ADGRV1: variants seen among roughly 807,000 people sequenced by gnomAD.
ADGRV1 encodes the protein adhesion G protein-coupled receptor V1.
A neutral mutation model predicts 596.2 loss-of-function variants in ADGRV1; 359 were observed. The ratio of observed to expected loss-of-function variants is 0.60; its 90% CI spans 0.55 to 0.66. ADGRV1 has a LOEUF of 0.66. Ranked by LOEUF, ADGRV1 falls within the 30% of genes least tolerant of loss-of-function variation. ADGRV1 has a pLI of 0.00. For missense variants in ADGRV1, 7,274 were observed against 7,575.6 expected, an observed-to-expected ratio of 0.96 and a Z score of 1.48; for synonymous variants, 2,681 against 2,679.2, an observed-to-expected ratio of 1.00 and a Z score of -0.02.
At chr5:90,750,883 T>TA (rs922292861) in intron 53 of ADGRV1, among the ~76,000 whole-genome samples, 186 bp downstream of exon 53, 1 of 152,146 alleles carries the variant, frequency 6.6e-6, no homozygotes, top group Non-Finnish European at 1.5e-5. Context: ...TGTTCTTTTT[T>TA]AAAAAAATAT....
At chr5:90,747,942 G>T (rs1352729234) in intron 52 of ADGRV1, among the ~76,000 whole-genome samples, 1 of 152,194 alleles carries the variant, frequency 6.6e-6, no homozygotes, top group African/African-American at 2.4e-5. Context: ...AGCCTTTGAA[G>T]GGGAGGAGTA....
chr5:90,706,403 C>CTT lies in ADGRV1; in HGVS notation c.8730+20_8730+21dup, dbSNP rs60522638. 11,526 of 1,355,026 alleles carry CTT rather than the reference C, an allele frequency of 8.5e-3. No homozygotes were observed. Among genetic ancestry groups the CTT allele is most frequent in the South Asian group, 0.01 (704 of 67,766 alleles). 83.9% of individuals were successfully genotyped at this position (1,355,026 alleles called of 1,614,324 possible). On this transcript the variant is annotated intron_variant, in intron 38 of 89. Transcript: ENST00000405460. ...ACATTACCATTCTTGAGGTAAAACT[C>CTT]TTTTTTTTTTTTAATCTTAGGGGGA... is the stretch of plus-strand genomic sequence containing the variant.
intron 1 of ADGRV1, among the ~76,000 whole-genome samples, chr5:90,589,498 G>A (rs1759199859): frequency 6.6e-6 from 1 of 152,120 alleles, no homozygotes; most frequent in African/African-American, 2.4e-5. Flanking sequence ...AGAAAAGTGG[G>A]GAATGGTAAA....
intron 84 of ADGRV1, among the ~76,000 whole-genome samples, chr5:90,968,415 T>G (rs957700934): frequency 1.3e-5 from 2 of 152,252 alleles, no homozygotes; most frequent in Non-Finnish European, 1.5e-5. Context: ...GATTGGTATA[T>G]TCTACATCTC....
intron 77 of ADGRV1, among the ~76,000 whole-genome samples, chr5:90,839,649 A>T (rs957881326): frequency 4.6e-5 from 7 of 152,172 alleles, no homozygotes; most frequent in African/African-American, 1.7e-4. Context: ...ATTTCCCAAG[A>T]TCCTTATGTA....
intron 2 of ADGRV1, among the ~76,000 whole-genome samples, chr5:90,615,827 A>C (rs932790753): frequency 6.6e-6 from 1 of 151,898 alleles, no homozygotes; most frequent in African/African-American, 2.4e-5. Flanking sequence ...TTTTGATTGA[A>C]TCCTAACAAT....
intron 25 of ADGRV1, 136 bp downstream of exon 25, chr5:90,676,345 AGC>A: frequency 1.3e-6 from 1 of 744,586 alleles, no homozygotes. Flanking sequence ...TTTTGAAGAG[AGC>A]AGCCTGAAAG....
chr5:90,963,812 G>C (rs1408434990), intron 83 of ADGRV1, among the ~76,000 whole-genome samples: 1 of 150,590 alleles, frequency 6.6e-6, no homozygotes. Flanking sequence ...GCAGGCACAG[G>C]AAGGTACTTA....
At chr5:90,778,674 G>T (rs1758517349) in intron 63 of ADGRV1, 65 bp downstream of exon 63, 3 of 1,324,166 alleles carry the variant, frequency 2.3e-6, no homozygotes, top group East Asian at 5.2e-5. Context: ...ATGTTTTCTT[G>T]TTTCTATTCC....
chr5:90,753,734 G>C lies in ADGRV1; in HGVS notation c.11282G>C (p.Ser3761Thr). 1 of 1,613,564 alleles carries C rather than the reference G, an allele frequency of 6.2e-7. No homozygotes were observed. The highest frequency in any genetic ancestry group is 8.5e-7 in the Non-Finnish European group (1 of 1,179,650). Residue 3761 changes from serine to threonine, a missense_variant, in exon 54 of 90, where the codon AGC (serine) becomes ACC (threonine). This residue lies in a region of ADGRV1 where 3,643 missense variants were observed against 3,809.2 expected (regional missense o/e 0.96). Transcript: ENST00000405460. ...YKGATIDQDR[S>T]KSVITTLPND... ...GGTGCTACTATTGATCAGGACAGAA[G>C]CAAGTCTGTTATAACAACTTTGCCC...
chr5:90,647,896 C>G, intron 17 of ADGRV1, 132 bp downstream of exon 17: 1 of 743,040 alleles, frequency 1.3e-6, no homozygotes, highest in Non-Finnish European at 2.1e-6. Flanking sequence ...AAAATTATTT[C>G]ATTGCTTTCT....
At chr5:91,048,430 C>T (rs2151299041) in intron 85 of ADGRV1, among the ~76,000 whole-genome samples, 3 of 152,312 alleles carry the variant, frequency 2.0e-5, no homozygotes, top group Admixed American at 2.0e-4. Context: ...TTTTTCTAGC[C>T]TGCTGCTAGA....
At chr5:91,048,899 A>G (rs1786071102) in intron 85 of ADGRV1, among the ~76,000 whole-genome samples, 1 of 152,206 alleles carries the variant, frequency 6.6e-6, no homozygotes, top group Non-Finnish European at 1.5e-5. Context: ...GTTAGGCAAC[A>G]CTAACAGAAG....
intron 80 of ADGRV1, 28 bp from the exon 81 acceptor site, chr5:90,854,034 A>AT (rs775540492): frequency 6.6e-7 from 1 of 1,522,316 alleles, no homozygotes; most frequent in South Asian, 1.2e-5. Context: ...GTAAAACATC[A>AT]TTATATGTTC....
intron 76 of ADGRV1, among the ~76,000 whole-genome samples, chr5:90,823,933 C>A (rs1440306995): frequency 4.6e-5 from 7 of 151,926 alleles, no homozygotes; most frequent in Admixed American, 4.6e-4. Context: ...TTTTGTTAGC[C>A]CCTTCCTACT....
At chr5:90,666,798 C>T (rs1431546129) in intron 21 of ADGRV1, among the ~76,000 whole-genome samples, 32 of 151,732 alleles carry the variant, frequency 2.1e-4, no homozygotes, top group Admixed American at 2.1e-3. Context: ...TCTTTTAGGA[C>T]AGGCCTGGTG....
intron 85 of ADGRV1, among the ~76,000 whole-genome samples, chr5:91,002,646 A>C (rs536260265): frequency 5.3e-5 from 8 of 150,512 alleles, no homozygotes; most frequent in Non-Finnish European, 1.2e-4. Flanking sequence ...TTTTTTTCTG[A>C]ATTTGAGGGC....
At chr5:90,593,629 G>T (rs1759832759) in intron 1 of ADGRV1, among the ~76,000 whole-genome samples, 1 of 152,052 alleles carries the variant, frequency 6.6e-6, no homozygotes, top group Non-Finnish European at 1.5e-5. Context: ...TACACATTGG[G>T]TACAGTGTAC....
intron 84 of ADGRV1, among the ~76,000 whole-genome samples, chr5:90,973,821 T>C (rs1364779101): frequency 6.6e-6 from 1 of 152,144 alleles, no homozygotes; most frequent in East Asian, 1.9e-4. Context: ...TCACCACTCC[T>C]ATTCAACATA....
Sources: allele counts gnomAD v4.1 joint callset (sites outside exome capture counted in the v4.1 genomes callset), GRCh38; gene constraint gnomAD v4.1.1; regional missense constraint gnomAD v4.1.1; transcripts MANE v1.5; gene names NCBI Gene and HGNC (gene_info 2026-07-23, HGNC 2026-07-21).